IGDCC3: variants seen among roughly 807,000 people sequenced by gnomAD.
IGDCC3 encodes immunoglobulin superfamily DCC subclass member 3.
Under a neutral mutation model 72.0 loss-of-function variants are expected in IGDCC3, and 47 were observed. The observed-to-expected ratio is 0.65, with a 90% CI of 0.52 to 0.83. The LOEUF (loss-of-function observed/expected upper bound fraction) is 0.83. IGDCC3 is among the 40% of genes least tolerant of loss of function. The pLI, the probability that IGDCC3 is intolerant of heterozygous loss-of-function variation, is 0.00. For synonymous variants in IGDCC3, 477 were observed against 472.8 expected, an observed-to-expected ratio of 1.01 and a Z score of -0.11; for missense variants, 1,038 against 1,091.3, an observed-to-expected ratio of 0.95 and a Z score of 0.69.
chr15:65,353,344 G>C (rs955585616), intron 2 of IGDCC3, among the ~76,000 whole-genome samples: 6 of 149,906 alleles, frequency 4.0e-5, no homozygotes, highest in African/African-American at 1.5e-4. Flanking sequence ...TCTGCCTCCC[G>C]GGTTCAAGCA....
In IGDCC3 at chr15:65,329,206, A is replaced by C. The variant is rs939349148; in HGVS notation, c.2206-58T>G. On this transcript the variant is annotated intron_variant, in intron 13 of 13. Coordinates refer to ENST00000327987, the MANE Select transcript of IGDCC3 (RefSeq NM_004884.4). This position sits in a 1 kb window ranked among gnomAD's most constrained non-coding sequence, Gnocchi z 4.1. ...TTGAGGGCCAGGGCGCCAGGCTCCA[A>C]CTCACCCCACTTGGGCCTTAGGGTC... The C allele has an allele frequency of 1.3e-5, 20 of 1,553,506 alleles. No individual in the cohort carries two copies. In the African/African-American group the frequency reaches 2.7e-4, roughly 21 times the overall value.
intron 2 of IGDCC3, among the ~76,000 whole-genome samples, chr15:65,345,654 G>T (rs2140150891): frequency 6.6e-6 from 1 of 152,058 alleles, no homozygotes; most frequent in African/African-American, 2.4e-5. Context: ...AAAGAAAAAA[G>T]AAACATCAGA....
At chr15:65,359,564 A>T (rs1480856413) in intron 2 of IGDCC3, among the ~76,000 whole-genome samples, 1 of 152,064 alleles carries the variant, frequency 6.6e-6, no homozygotes, top group African/African-American at 2.4e-5. Context: ...AGCCCTTCCC[A>T]CTCAGTACTT....
At chr15:65,363,152 C>G (rs772778441) in intron 2 of IGDCC3, among the ~76,000 whole-genome samples, 2 of 152,076 alleles carry the variant, frequency 1.3e-5, no homozygotes, top group East Asian at 3.9e-4. Context: ...GAGCCACCAC[C>G]CCCAGCTGGT....
At position 65,331,997 on chromosome 15, in the gene IGDCC3, C is replaced by A; in HGVS notation, c.1092G>T (p.Leu364=). The change falls in exon 7 of 14, where the codon CTG becomes CTT. Residue 364 remains leucine, a synonymous_variant. Transcript: ENST00000327987. Reference sequence around the variant, plus strand: ...CTGGCCCCAGCACCTGTCCATTTTTCAGCCACGTGACATGAGGCGGTGGCT... The same window carrying A: ...CTGGCCCCAGCACCTGTCCATTTTTAAGCCACGTGACATGAGGCGGTGGCT... ...QGEPPPHVTW[L]KNGQVLGPGG... The A allele has an allele frequency of 6.2e-7, 1 of 1,614,178 alleles. No individual in the cohort carries two copies. The highest frequency in any genetic ancestry group is 8.5e-7 in the Non-Finnish European group (1 of 1,180,032).
At chr15:65,366,915 G>T (rs2091290949) in intron 2 of IGDCC3, among the ~76,000 whole-genome samples, 1 of 152,230 alleles carries the variant, frequency 6.6e-6, no homozygotes, top group Non-Finnish European at 1.5e-5. Context: ...TCTTAAAAGA[G>T]GGTGAACAAA....
In IGDCC3 at chr15:65,334,849, G is replaced by A. The variant is rs1457539416; in HGVS notation, c.702C>T (p.Ala234=). The change falls in exon 5 of 14, where the codon GCC becomes GCT. Residue 234 remains alanine, a synonymous_variant. Transcript: ENST00000327987. ...RLTVSGSGSG[A]YKEPAILVGP... ...CCACGAGGATGGCTGGCTCCTTGTA[G>A]GCCCCAGAGCCCGAGCCTGGGAGGA... The A allele has an allele frequency of 1.2e-6, 2 of 1,613,006 alleles. No homozygotes were observed. Among genetic ancestry groups the A allele is most frequent in the Admixed American group, 1.7e-5 (1 of 59,868 alleles).
In IGDCC3 at chr15:65,329,441, C is replaced by T. The variant is rs2090955324; in HGVS notation, c.2154G>A (p.Glu718=). The part of the protein sequence containing the change: ...DEKRVDMKEL[E]QLFPPASAAG... ...CTGCGCTGGCCGGGGGGAACAGCTG[C>T]TCCAGCTCCTTCATATCCACACGTT... The change falls in exon 13 of 14, where the codon GAG becomes GAA. Residue 718 remains glutamate, a synonymous_variant. Coordinates refer to ENST00000327987, the MANE Select transcript of IGDCC3 (RefSeq NM_004884.4). The surrounding 1 kb of genome is among the most constrained non-coding windows in gnomAD (Gnocchi z 4.1). 1 of 1,608,588 alleles carries T rather than the reference C, an allele frequency of 6.2e-7. No homozygotes were observed. The highest frequency in any genetic ancestry group is 1.1e-5 in the South Asian group (1 of 90,478).
In IGDCC3 at chr15:65,328,813, C is replaced by T; in HGVS notation, c.*96G>A. ...CAGGATAGAAATGCTGGGGAGCCCC[C>T]AGGACCATCCAAATCCCACATGACA... On this transcript the variant is annotated 3_prime_UTR_variant, in exon 14 of 14. Coordinates refer to ENST00000327987, the MANE Select transcript of IGDCC3 (RefSeq NM_004884.4). The T allele has an allele frequency of 1.4e-6, 2 of 1,444,802 alleles. No individual in the cohort carries two copies. 89.5% of individuals were successfully genotyped at this position (1,444,802 alleles called of 1,614,324 possible). A position where few individuals can be genotyped will look rare whatever the true frequency, so the allele number is the denominator to read the frequency against.
intron 2 of IGDCC3, among the ~76,000 whole-genome samples, chr15:65,345,769 C>A (rs981283394): frequency 6.6e-6 from 1 of 152,136 alleles, no homozygotes; most frequent in Admixed American, 6.5e-5. Flanking sequence ...TTAGATGTTA[C>A]TTCCATCTGT....
chr15:65,367,217 A>T (rs921469557), intron 2 of IGDCC3, among the ~76,000 whole-genome samples: 5 of 151,972 alleles, frequency 3.3e-5, no homozygotes, highest in African/African-American at 1.2e-4. Context: ...GTGGTGGTGC[A>T]TGCCTGTAAT....
chr15:65,372,372 T>A lies in IGDCC3; in HGVS notation c.409+2725A>T, dbSNP rs374843266. Among the ~76,000 whole-genome samples the A allele has an allele frequency of 3.5e-4, 53 of 152,330 alleles. No individual in the cohort carries two copies. In the East Asian group the frequency reaches 4.6e-3, roughly 13 times the overall value. On this transcript the variant is annotated intron_variant, in intron 2 of 13. Coordinates refer to ENST00000327987, the MANE Select transcript of IGDCC3 (RefSeq NM_004884.4). Reference sequence around the variant, plus strand: ...GCTGCAATGCAGAGTCTAGGGCTCCTGAGCATGAATACTCTTAGGAGCCTG... The same window carrying A: ...GCTGCAATGCAGAGTCTAGGGCTCCAGAGCATGAATACTCTTAGGAGCCTG...
At chr15:65,334,301 C>G (rs2091006702) in intron 5 of IGDCC3, among the ~76,000 whole-genome samples, 1 of 152,028 alleles carries the variant, frequency 6.6e-6, no homozygotes, top group Admixed American at 6.6e-5. Flanking sequence ...ATTGGGGGGG[C>G]CCAGAGTGAG....
chr15:65,356,544 T>C (rs1234696050), intron 2 of IGDCC3, among the ~76,000 whole-genome samples: 1 of 151,994 alleles, frequency 6.6e-6, no homozygotes, highest in Admixed American at 6.6e-5. Flanking sequence ...TGGCTCAACT[T>C]AGAAATCAAT....
intron 2 of IGDCC3, among the ~76,000 whole-genome samples, chr15:65,359,954 G>A (rs192926610): frequency 2.0e-5 from 3 of 152,220 alleles, no homozygotes; most frequent in Admixed American, 1.3e-4. Flanking sequence ...CAGCAGGTAG[G>A]AGGTGTTCCT....
intron 2 of IGDCC3, among the ~76,000 whole-genome samples, chr15:65,337,447 A>C (rs935399748): frequency 6.6e-6 from 1 of 152,034 alleles, no homozygotes; most frequent in Non-Finnish European, 1.5e-5. Flanking sequence ...CTGTGCAGGT[A>C]ATCAATCACA....
chr15:65,372,921 C>A (rs2091335767), intron 2 of IGDCC3, among the ~76,000 whole-genome samples: 1 of 152,288 alleles, frequency 6.6e-6, no homozygotes, highest in East Asian at 1.9e-4. Flanking sequence ...GGACCACAGC[C>A]TTGCAGGGGA....
rs551930452 is a variant in IGDCC3, at chr15:65,329,701, C to T, written c.1997+25G>A. On this transcript the variant is annotated intron_variant, in intron 12 of 13. Coordinates refer to ENST00000327987, the MANE Select transcript of IGDCC3 (RefSeq NM_004884.4). This position sits in a 1 kb window ranked among gnomAD's most constrained non-coding sequence, Gnocchi z 4.1. ...CCTAGTCCCCCACACACCAGCCCAG[C>T]CCCTCTCCCTGGCCCAGGACCCACC... is the stretch of plus-strand genomic sequence containing the variant. 1.5e-5 allele frequency: 25 copies of T among 1,613,742 alleles called. No individual in the cohort carries two copies. Among genetic ancestry groups the T allele is most frequent in the Non-Finnish European group, 2.1e-5 (25 of 1,179,818 alleles).
chr15:65,375,446 A>G, intron 1 of IGDCC3, 44 bp from the exon 2 acceptor site: 1 of 1,486,280 alleles, frequency 6.7e-7, no homozygotes, highest in Non-Finnish European at 9.1e-7. Flanking sequence ...GGGTGTTAGT[A>G]TGAAATGAAC....
Sources: gnomAD v4.1 joint callset for allele counts (sites outside exome capture counted in the v4.1 genomes callset) on GRCh38, gnomAD v4.1.1 for gene constraint, Gnocchi (gnomAD v3.1) non-coding constraint, MANE v1.5 for transcripts, NCBI Gene and HGNC (gene_info 2026-07-23, HGNC 2026-07-21) for gene names.